SMAD2: variants seen among roughly 807,000 people sequenced by gnomAD.
The protein encoded by SMAD2 is MAD homolog 2.
A neutral mutation model predicts 64.4 loss-of-function variants in SMAD2; 8 were observed. That is an observed-to-expected ratio of 0.12 (90% confidence interval 0.07 to 0.22). The LOEUF is 0.22. SMAD2 is among the 10% of genes least tolerant of loss of function. The pLI is 1.00. For synonymous variants in SMAD2, 203 were observed against 195.8 expected, an observed-to-expected ratio of 1.04 and a Z score of -0.31; for missense variants, 289 against 561.2, an observed-to-expected ratio of 0.51 and a Z score of 4.90.
intron 7 of SMAD2, among the ~76,000 whole-genome samples, chr18:47,850,307 G>GTATAA (rs71162895): frequency 0.33 from 6,655 of 20,332 alleles, 942 homozygotes; most frequent in East Asian, 0.55. Context: ...TATATATTAT[G>GTATAA]TATGTTATAT....
Position 47,829,087 on chromosome 18 carries a change from A to C in SMAD2, c.*12740T>G, listed in dbSNP as rs1912889553. 1 of 152,164 alleles carries C rather than the reference A, an allele frequency of 6.6e-6. No homozygotes were observed. The allele number at this position is 152,164 out of a possible 1,614,324, so 9.4% of individuals were successfully genotyped here. A position where few individuals can be genotyped will look rare whatever the true frequency, so the allele number is the denominator to read the frequency against. On this transcript the variant is annotated 3_prime_UTR_variant, in exon 11 of 11. Coordinates refer to ENST00000262160, the MANE Select transcript of SMAD2 (RefSeq NM_005901.6). Reference sequence around the variant, plus strand: ...AGGCAGCCCCATGAGCTTCCCTGTGAATGAGAACAGAAAAAGTTCAGGAGC... The same window carrying C: ...AGGCAGCCCCATGAGCTTCCCTGTGCATGAGAACAGAAAAAGTTCAGGAGC...
rs1364289418 is a variant in SMAD2 at position 47,837,817 on chromosome 18, A to AGG, written c.*4008_*4009dup. The AGG allele has an allele frequency of 8.6e-6, 2 of 232,840 alleles. No individual in the cohort carries two copies. Among genetic ancestry groups the AGG allele is most frequent in the Non-Finnish European group, 1.7e-5 (2 of 117,782 alleles). The allele number at this position is 232,840 out of a possible 1,614,324, so 14.4% of individuals were successfully genotyped here. ...ATATCTAAAGAGATACTTGGTGGGC[A>AGG]GGGGCTTGGGAGGGAAGGCGCAAAT... On this transcript the variant is annotated 3_prime_UTR_variant, in exon 11 of 11. Coordinates refer to ENST00000262160, the MANE Select transcript of SMAD2 (RefSeq NM_005901.6).
chr18:47,859,077 G>C lies in SMAD2; in HGVS notation c.730+5982C>G, dbSNP rs150375997. 3.7e-3 allele frequency among the ~76,000 whole-genome samples: 564 copies of C among 152,190 alleles called. 3 individuals carry two copies. Among genetic ancestry groups the C allele is most frequent in the African/African-American group, 0.013 (536 of 41,548 alleles). The stretch of plus-strand genomic sequence containing the variant: ...AAATATATCATGTAACCAGAGGTAA[G>C]AAAGAAGATATGGTGATGTTAATAT... On this transcript the variant is annotated intron_variant, in intron 6 of 10. Transcript: ENST00000262160.
intron 1 of SMAD2, among the ~76,000 whole-genome samples, chr18:47,913,167 C>T (rs1020470116): frequency 3.9e-5 from 6 of 152,278 alleles, no homozygotes; most frequent in African/African-American, 7.2e-5. Context: ...ATGATCCATC[C>T]GCCTCGGCCT....
At position 47,870,559 on chromosome 18, in the gene SMAD2, C is replaced by G; in HGVS notation, c.242G>C (p.Cys81Ser). 6.2e-7 allele frequency: 1 copy of G among 1,611,476 alleles called. No homozygotes were observed. The change falls in exon 3 of 11, where the codon TGC (cysteine) becomes TCC (serine). Residue 81 changes from cysteine (C) to serine (S), a missense_variant. Physicochemically the swap from Cys to Ser is moderately radical, Grantham distance 112 (BLOSUM62 -1). Coordinates refer to ENST00000262160, the MANE Select transcript of SMAD2 (RefSeq NM_005901.6). The part of the protein sequence containing the change: ...NTKCVTIPST[C>S]SEIWGLSTPN... Reference sequence around the variant, plus strand: ...TGTACTCAGTCCCCAAATTTCAGAGCAAGTGCTGTGCATAAATTGAAAAAC... The same window carrying G: ...TGTACTCAGTCCCCAAATTTCAGAGGAAGTGCTGTGCATAAATTGAAAAAC...
At chr18:47,917,494 T>A (rs529468210) in intron 1 of SMAD2, among the ~76,000 whole-genome samples, 5 of 152,320 alleles carry the variant, frequency 3.3e-5, no homozygotes, top group African/African-American at 9.6e-5. Context: ...TTTTCTACCA[T>A]CTTATTTTGT....
At chr18:47,923,630 T>C (rs1000276882) in intron 1 of SMAD2, 1 of 152,226 alleles carries the variant, frequency 6.6e-6, no homozygotes, top group African/African-American at 2.4e-5. Flanking sequence ...CAGCTGTGCT[T>C]CAAAGGCTTC....
At chr18:47,859,884 C>T (rs1204168001) in intron 6 of SMAD2, among the ~76,000 whole-genome samples, 2 of 152,188 alleles carry the variant, frequency 1.3e-5, no homozygotes, top group African/African-American at 4.8e-5. Context: ...ATGGATCTCA[C>T]ATATATGAAA....
chr18:47,925,870 G>A (rs1385973283), intron 1 of SMAD2, among the ~76,000 whole-genome samples: 1 of 152,218 alleles, frequency 6.6e-6, no homozygotes, highest in Non-Finnish European at 1.5e-5. Flanking sequence ...ATACTGGGCA[G>A]AAGTCACATG....
chr18:47,891,307 T>G (rs2033179779), intron 2 of SMAD2, among the ~76,000 whole-genome samples: 1 of 151,866 alleles, frequency 6.6e-6, no homozygotes. Context: ...CTCTGTCTCG[T>G]TTCTAAGAGG....
intron 2 of SMAD2, among the ~76,000 whole-genome samples, chr18:47,875,603 T>C (rs756706276): frequency 6.6e-6 from 1 of 152,110 alleles, no homozygotes; most frequent in Non-Finnish European, 1.5e-5. Flanking sequence ...AACAACTATA[T>C]AAAAAGCTTT....
rs1913222747 is a variant in SMAD2 at position 47,834,487 on chromosome 18, G to A, written c.*7340C>T. The stretch of plus-strand genomic sequence containing the variant: ...GCACTTTAGGGCAGCTGGTCACCCT[G>A]AGAACACTACCCACTCGTTCCTTAA... On this transcript the variant is annotated 3_prime_UTR_variant, in exon 11 of 11. Transcript: ENST00000262160. 4.9e-6 allele frequency: 1 copy of A among 203,722 alleles called. No homozygotes were observed. The highest frequency in any genetic ancestry group is 1.9e-4 in the South Asian group (1 of 5,284). 12.6% of individuals were successfully genotyped at this position (203,722 alleles called of 1,614,324 possible). A position where few individuals can be genotyped will look rare whatever the true frequency, so the allele number is the denominator to read the frequency against.
At chr18:47,904,535 G>A (rs2033826370) in intron 1 of SMAD2, among the ~76,000 whole-genome samples, 1 of 152,106 alleles carries the variant, frequency 6.6e-6, no homozygotes, top group Non-Finnish European at 1.5e-5. Context: ...AGCAACAGCT[G>A]TCTGATACTG....
intron 6 of SMAD2, among the ~76,000 whole-genome samples, chr18:47,856,140 G>A (rs987743956): frequency 9.6e-6 from 1 of 104,172 alleles, no homozygotes; most frequent in African/African-American, 3.3e-5. Flanking sequence ...TCATATGTGG[G>A]GTTTTTTTTT....
chr18:47,819,043 G>T lies in SMAD2; in HGVS notation c.*22784C>A, dbSNP rs1912472473. ...ATGTTGTGTCTACGTGGTAAAATCT[G>T]GCAGTTGGCCACAAATCCCTTAAGG... On this transcript the variant is annotated 3_prime_UTR_variant, in exon 11 of 11. Coordinates refer to ENST00000262160, the MANE Select transcript of SMAD2 (RefSeq NM_005901.6). 2 of 152,170 alleles carry T rather than the reference G, an allele frequency of 1.3e-5. No individual in the cohort carries two copies. Among genetic ancestry groups the T allele is most frequent in the Admixed American group, 6.5e-5 (1 of 15,276 alleles). 9.4% of individuals were successfully genotyped at this position (152,170 alleles called of 1,614,324 possible). A position where few individuals can be genotyped will look rare whatever the true frequency, so the allele number is the denominator to read the frequency against.
Position 47,881,280 on chromosome 18 carries a change from C to T in SMAD2, c.237-10716G>A, listed in dbSNP as rs531262508. 2.0e-5 allele frequency among the ~76,000 whole-genome samples: 3 copies of T among 152,286 alleles called. No homozygotes were observed. In the South Asian group the frequency reaches 6.2e-4, roughly 32 times the overall value. ...CCCTCTTCATTTGTTTAACTTCTCT[C>T]AGCAAGGTTTCAGCATTTTAAGCAG... On this transcript the variant is annotated intron_variant, in intron 2 of 10. Transcript: ENST00000262160.
intron 1 of SMAD2, among the ~76,000 whole-genome samples, chr18:47,917,367 T>C (rs1038479049): frequency 6.6e-6 from 1 of 152,236 alleles, no homozygotes; most frequent in Admixed American, 6.5e-5. Flanking sequence ...ATCATACTTT[T>C]AGGAGTATCT....
intron 1 of SMAD2, among the ~76,000 whole-genome samples, chr18:47,910,813 T>C (rs1225643079): frequency 3.9e-5 from 6 of 152,204 alleles, no homozygotes; most frequent in South Asian, 4.1e-4. Context: ...ACTGTTTATG[T>C]ATTGGTAAGG....
chr18:47,886,782 G>A (rs1010031885), intron 2 of SMAD2: 2 of 160,582 alleles, frequency 1.2e-5, no homozygotes, highest in African/African-American at 4.8e-5. Flanking sequence ...CAAAGTCAGA[G>A]TTAAAAGTTG....
Sources: allele counts gnomAD v4.1 joint callset (sites outside exome capture counted in the v4.1 genomes callset), GRCh38; gene constraint gnomAD v4.1.1; transcripts MANE v1.5; gene names NCBI Gene and HGNC (gene_info 2026-07-23, HGNC 2026-07-21).